Variants in KIF9 observed in about 807,000 individuals in gnomAD.
KIF9 encodes kinesin family member 9.
KIF9 carries 68 observed loss-of-function variants against 94.8 expected under a neutral mutation model. The observed-to-expected ratio is 0.72, with a 90% CI of 0.59 to 0.88. KIF9 has a LOEUF of 0.88. Among genes scored for constraint, KIF9 ranks in the 40% least tolerant of loss-of-function variants. The probability of loss-of-function intolerance (pLI) is 0.00; values close to 1 mark genes in which losing one functional copy is unlikely to be tolerated. For missense variants in KIF9, 882 were observed against 982.5 expected, an observed-to-expected ratio of 0.90 and a Z score of 1.37; for synonymous variants, 343 against 362.1, an observed-to-expected ratio of 0.95 and a Z score of 0.60.
intron 10 of KIF9, among the ~76,000 whole-genome samples, chr3:47,255,811 C>T (rs1700541095): frequency 1.3e-5 from 2 of 152,326 alleles, no homozygotes; most frequent in East Asian, 1.9e-4. Flanking sequence ...TGATGCCGAG[C>T]CGAAGCTGGA....
intron 1 of KIF9, among the ~76,000 whole-genome samples, chr3:47,279,847 G>A (rs1702221452): frequency 6.6e-6 from 1 of 152,116 alleles, no homozygotes; most frequent in Non-Finnish European, 1.5e-5. Context: ...TCGATCTCCT[G>A]ACCTCGTGAT....
At position 47,246,216 on chromosome 3, in the gene KIF9, G is replaced by C; in HGVS notation, c.1270C>G (p.Gln424Glu). Residue 424 changes from glutamine (Q) to glutamate (E), a missense_variant, in exon 13 of 21, where the codon CAG becomes GAG. By Grantham distance (29) the Gln-to-Glu change is conservative (BLOSUM62 2). Transcript: ENST00000684063. ...TCTCACCTCAGAACCACCCGGAACT[G>C]GTTGAACACCTCCTTGATCTGTCTA... is the stretch of plus-strand genomic sequence containing the variant. Reference protein sequence around the residue: ...SLRQIKEVFNQFRVVLSQQEQ... With the variant: ...SLRQIKEVFNEFRVVLSQQEQ... 1 of 1,613,694 alleles carries C rather than the reference G, an allele frequency of 6.2e-7. No homozygotes were observed. Among genetic ancestry groups the C allele is most frequent in the Non-Finnish European group, 8.5e-7 (1 of 1,179,780 alleles).
At position 47,248,022 on chromosome 3, in the gene KIF9, C is replaced by T; in HGVS notation, c.1124G>A (p.Ser375Asn). Residue 375 changes from serine to asparagine, a missense_variant, in exon 11 of 21, where the codon AGC (serine) becomes AAC (asparagine). Transcript: ENST00000684063. ...LLKQELAIHD[S>N]LTNRTFVTYD... ...TCTTTGCCTCTAGCCTCTTACCAGG[C>T]TGTCATGGATAGCCAGCTCCTGCTT... 1 of 1,612,830 alleles carries T rather than the reference C, an allele frequency of 6.2e-7. No individual in the cohort carries two copies. Among genetic ancestry groups the T allele is most frequent in the South Asian group, 1.1e-5 (1 of 91,054 alleles).
At chr3:47,264,034 C>G in intron 9 of KIF9, 1 of 561,118 alleles carries the variant, frequency 1.8e-6, no homozygotes, top group South Asian at 1.6e-5. Flanking sequence ...CTCTCAGCCT[C>G]CCTCCTCACA....
rs114859156 is a variant in KIF9 at position 47,247,471 on chromosome 3, G to A, written c.1135C>T (p.Arg379Cys). 1.8e-4 allele frequency: 296 copies of A among 1,612,588 alleles called. No homozygotes were observed. The highest frequency in any genetic ancestry group is 3.1e-4 in the East Asian group (14 of 44,852). Residue 379 changes from arginine to cysteine, a missense_variant, in exon 12 of 21, where the codon CGC becomes TGC. By Grantham distance (180) the Arg-to-Cys change is radical. Transcript: ENST00000684063. Reference sequence around the variant, plus strand: ...ATGGGGTCATAGGTCACAAAGGTGCGGTTGGTCTTGAAGGAGGATGAAGAA... The same window carrying A: ...ATGGGGTCATAGGTCACAAAGGTGCAGTTGGTCTTGAAGGAGGATGAAGAA... The part of the protein sequence containing the change: ...ELAIHDSLTN[R>C]TFVTYDPMDE...
intron 20 of KIF9, among the ~76,000 whole-genome samples, chr3:47,232,376 C>G (rs1698660113): frequency 6.6e-6 from 1 of 152,056 alleles, no homozygotes; most frequent in South Asian, 2.1e-4. Flanking sequence ...CCTCCACCTC[C>G]CGGGTTCAAG....
At chr3:47,276,940 T>C (rs1163993733) in intron 2 of KIF9, among the ~76,000 whole-genome samples, 2 of 144,430 alleles carry the variant, frequency 1.4e-5, no homozygotes, top group African/African-American at 4.9e-5. Context: ...CTCAAGATAT[T>C]CTTACTGCAC....
At chr3:47,260,860 G>A (rs935666511) in intron 9 of KIF9, among the ~76,000 whole-genome samples, 3 of 152,212 alleles carry the variant, frequency 2.0e-5, no homozygotes, top group African/African-American at 7.2e-5. Flanking sequence ...GAAGGGATAA[G>A]TGCATCCTGA....
intron 17 of KIF9, chr3:47,240,076 ACTT>A: frequency 1.9e-6 from 1 of 517,242 alleles, no homozygotes; most frequent in Non-Finnish European, 3.1e-6. Context: ...GGGAATCTGC[ACTT>A]GACCAGCCCT....
chr3:47,239,209 A>G (rs1014274503), intron 17 of KIF9, among the ~76,000 whole-genome samples: 1 of 152,182 alleles, frequency 6.6e-6, no homozygotes, highest in Non-Finnish European at 1.5e-5. Context: ...TCGAAAAAGA[A>G]AAAAAAATTT....
At chr3:47,244,004 T>C (rs1303887105) in intron 15 of KIF9, 1 of 152,314 alleles carries the variant, frequency 6.6e-6, no homozygotes, top group Non-Finnish European at 1.5e-5. Context: ...CCAGGGACAC[T>C]GGCATCCTCT....
Position 47,235,547 on chromosome 3 carries a change from G to C in KIF9, c.2288C>G (p.Ser763Cys). Residue 763 changes from serine to cysteine, a missense_variant, in exon 20 of 21, where the codon TCC (serine) becomes TGC (cysteine). By Grantham distance (112) the Ser-to-Cys change is moderately radical. Coordinates refer to ENST00000684063, the MANE Select transcript of KIF9 (RefSeq NM_182902.4). The part of the protein sequence containing the change: ...RVLPEGPDSI[S>C]FYNAKVKIEQ... ...TATCTTGACTTTGGCATTGTAGAAG[G>C]AGATGGAATCAGGGCCCTCAGGAAG... 6.2e-7 allele frequency: 1 copy of C among 1,614,092 alleles called. No homozygotes were observed. The highest frequency in any genetic ancestry group is 1.3e-5 in the African/African-American group (1 of 75,028).
chr3:47,244,730 C>T, intron 15 of KIF9, 61 bp downstream of exon 15: 1 of 1,592,378 alleles, frequency 6.3e-7, no homozygotes, highest in South Asian at 1.1e-5. Flanking sequence ...AGTGCACATC[C>T]TCCCATGCAC....
chr3:47,251,574 A>G (rs1171474092), intron 10 of KIF9, among the ~76,000 whole-genome samples: 1 of 152,172 alleles, frequency 6.6e-6, no homozygotes, highest in East Asian at 1.9e-4. Flanking sequence ...AAAAACAACA[A>G]CAACAAACAG....
At chr3:47,256,518 T>TG (rs1190077645) in intron 10 of KIF9, among the ~76,000 whole-genome samples, 4 of 142,554 alleles carry the variant, frequency 2.8e-5, no homozygotes, top group Admixed American at 6.9e-5. Flanking sequence ...GGGAGGGAGG[T>TG]GGGGGGGTCG....
At position 47,268,689 on chromosome 3, in the gene KIF9, C is replaced by A. The variant is rs150050835; in HGVS notation, c.592-1426G>T. Among the ~76,000 whole-genome samples the A allele has an allele frequency of 7.1e-3, 1,071 of 150,898 alleles. 16 individuals carry two copies. Among genetic ancestry groups the A allele is most frequent in the African/African-American group, 0.025 (1,006 of 41,014 alleles). On this transcript the variant is annotated intron_variant, in intron 5 of 20. Coordinates refer to ENST00000684063, the MANE Select transcript of KIF9 (RefSeq NM_182902.4). ...CTTCTGCCTCCCGGGCTCAAGTGAT[C>A]CTCCTACCTCAGCCTCCCAGGTAGC...
chr3:47,239,116 C>G (rs1318930611), intron 17 of KIF9, among the ~76,000 whole-genome samples: 1 of 152,166 alleles, frequency 6.6e-6, no homozygotes, highest in African/African-American at 2.4e-5. Context: ...AGCAGAATCA[C>G]TTGAACCCAG....
At chr3:47,240,640 C>T (rs1362191318) in intron 17 of KIF9, among the ~76,000 whole-genome samples, 161 bp downstream of exon 17, 1 of 152,114 alleles carries the variant, frequency 6.6e-6, no homozygotes, top group Non-Finnish European at 1.5e-5. Flanking sequence ...CTCTCAGGGG[C>T]TGACCAGAGC....
rs553454417 is a variant in KIF9 at position 47,277,621 on chromosome 3, C to T, written c.-5-242G>A. The stretch of plus-strand genomic sequence containing the variant: ...CTTTGCCATTTTCCACCAATGACCC[C>T]AGAGAGACTGAAATACAAAGTGAAA... On this transcript the variant is annotated intron_variant, in intron 1 of 20. Transcript: ENST00000684063. Among the ~76,000 whole-genome samples the T allele has an allele frequency of 9.2e-5, 14 of 152,252 alleles. No homozygotes were observed. In the South Asian group the frequency reaches 2.9e-3, roughly 32 times the overall value.
Sources: gnomAD v4.1 joint callset for allele counts (sites outside exome capture counted in the v4.1 genomes callset) on GRCh38, gnomAD v4.1.1 for gene constraint, MANE v1.5 for transcripts, NCBI Gene and HGNC (gene_info 2026-07-23, HGNC 2026-07-21) for gene names.